PXDNL: variants seen among roughly 807,000 people sequenced by gnomAD.
PXDNL encodes probable oxidoreductase PXDNL.
In PXDNL, 145 loss-of-function variants were observed where a neutral mutation model predicts 150.8. That is an observed-to-expected ratio of 0.96 (90% CI 0.84 to 1.10). The LOEUF (loss-of-function observed/expected upper bound fraction) is 1.10. Among genes scored for constraint, PXDNL ranks in the 50% least tolerant of loss-of-function variants. The pLI is 0.00. For synonymous variants in PXDNL, 757 were observed against 725.7 expected, an observed-to-expected ratio of 1.04 and a Z score of -0.69; for missense variants, 2,087 against 1,873.9, an observed-to-expected ratio of 1.11 and a Z score of -2.10.
intron 1 of PXDNL, among the ~76,000 whole-genome samples, chr8:51,766,834 T>A (rs1403034553): frequency 6.6e-6 from 1 of 152,124 alleles, no homozygotes; most frequent in East Asian, 1.9e-4. Context: ...TGAACTTGTT[T>A]GATGTGTATA....
At chr8:51,375,733 T>A (rs1409389596) in intron 17 of PXDNL, among the ~76,000 whole-genome samples, 1 of 152,228 alleles carries the variant, frequency 6.6e-6, no homozygotes, top group Non-Finnish European at 1.5e-5. Flanking sequence ...GAACATTCTC[T>A]ACATGTTTCT....
chr8:51,322,253 A>C (rs1805344917), intron 21 of PXDNL, among the ~76,000 whole-genome samples: 1 of 152,194 alleles, frequency 6.6e-6, no homozygotes, highest in South Asian at 2.1e-4. Context: ...GATATATGGA[A>C]AAAAGCATTT....
intron 1 of PXDNL, among the ~76,000 whole-genome samples, chr8:51,657,919 A>G (rs920929867): frequency 6.6e-5 from 10 of 152,176 alleles, no homozygotes; most frequent in African/African-American, 2.2e-4. Flanking sequence ...CTTGCTTGTA[A>G]GCTGGTGCCA....
At chr8:51,429,266 G>C (rs1490309679) in intron 12 of PXDNL, among the ~76,000 whole-genome samples, 1 of 152,204 alleles carries the variant, frequency 6.6e-6, no homozygotes, top group Non-Finnish European at 1.5e-5. Context: ...CTGGAAAAGA[G>C]TTTGGAAACT....
chr8:51,657,823 G>A (rs562102312), intron 1 of PXDNL, among the ~76,000 whole-genome samples: 1 of 152,298 alleles, frequency 6.6e-6, no homozygotes, highest in South Asian at 2.1e-4. Context: ...TGAAAGCCAA[G>A]GTGCTATATG....
chr8:51,637,373 G>T lies in PXDNL; in HGVS notation c.236+17316C>A, dbSNP rs563331307. Among the ~76,000 whole-genome samples, 4 of 152,288 alleles carry T rather than the reference G, an allele frequency of 2.6e-5. No individual in the cohort carries two copies. The South Asian group carries it at 8.3e-4, about 32-fold the overall frequency. On this transcript the variant is annotated intron_variant, in intron 2 of 22. Coordinates refer to ENST00000356297, the MANE Select transcript of PXDNL (RefSeq NM_144651.5). The stretch of plus-strand genomic sequence containing the variant: ...AGAGAATGACTTTGACGAGTTGAAA[G>T]AAGAAGGCTTCAGACGATCAAACTT...
At chr8:51,490,846 A>T (rs1461115429) in intron 5 of PXDNL, among the ~76,000 whole-genome samples, 1 of 152,002 alleles carries the variant, frequency 6.6e-6, no homozygotes, top group Non-Finnish European at 1.5e-5. Context: ...AATGAATGAA[A>T]TAAAAATCTA....
At chr8:51,631,419 C>A (rs1009643849) in intron 2 of PXDNL, among the ~76,000 whole-genome samples, 1 of 152,040 alleles carries the variant, frequency 6.6e-6, no homozygotes, top group Non-Finnish European at 1.5e-5. Context: ...GCACATGTAC[C>A]CCTCAACCTA....
At chr8:51,532,068 C>CA (rs61099175) in intron 4 of PXDNL, among the ~76,000 whole-genome samples, 4,625 of 139,380 alleles carry the variant, frequency 0.033, 211 homozygotes, top group African/African-American at 0.12. Flanking sequence ...ATTGAGGTTG[C>CA]GGGTCTGGTC....
chr8:51,807,496 A>C (rs2037690532), intron 1 of PXDNL, among the ~76,000 whole-genome samples: 1 of 152,198 alleles, frequency 6.6e-6, no homozygotes, highest in African/African-American at 2.4e-5. Context: ...GGGGACACAG[A>C]TCCAAACCAT....
intron 4 of PXDNL, among the ~76,000 whole-genome samples, chr8:51,553,740 T>A (rs993791611): frequency 6.2e-5 from 7 of 112,946 alleles, no homozygotes; most frequent in Non-Finnish European, 3.5e-5. Context: ...GTGAGGGATT[T>A]TATATATATA....
intron 1 of PXDNL, among the ~76,000 whole-genome samples, chr8:51,798,817 C>T (rs1188495173): frequency 6.6e-6 from 1 of 152,178 alleles, no homozygotes; most frequent in Non-Finnish European, 1.5e-5. Context: ...TTTGACCCAG[C>T]AATCCCATTA....
At chr8:51,558,696 G>A (rs1222742502) in intron 3 of PXDNL, among the ~76,000 whole-genome samples, 1 of 151,996 alleles carries the variant, frequency 6.6e-6, no homozygotes, top group Admixed American at 6.6e-5. Flanking sequence ...AAATGGTTCA[G>A]GAAAAATAAG....
intron 6 of PXDNL, among the ~76,000 whole-genome samples, chr8:51,476,457 G>A (rs1810477708): frequency 6.6e-6 from 1 of 152,210 alleles, no homozygotes. Flanking sequence ...CATGTAGACT[G>A]TAACAGGAAG....
intron 19 of PXDNL, among the ~76,000 whole-genome samples, chr8:51,366,973 C>T (rs566162807): frequency 1.3e-5 from 2 of 151,616 alleles, no homozygotes; most frequent in Non-Finnish European, 1.5e-5. Flanking sequence ...TGGTGGTGGG[C>T]ACCTGTAGTC....
Position 51,474,225 on chromosome 8 carries a change from C to T in PXDNL, c.694+747G>A, listed in dbSNP as rs111228917. Among the ~76,000 whole-genome samples, 1,367 of 151,946 alleles carry T rather than the reference C, an allele frequency of 9.0e-3. 11 individuals are homozygous for T. The highest frequency in any genetic ancestry group is 0.031 in the African/African-American group (1,299 of 41,434). On this transcript the variant is annotated intron_variant, in intron 7 of 22. Coordinates refer to ENST00000356297, the MANE Select transcript of PXDNL (RefSeq NM_144651.5). ...GTCATGTGAGTGAATCTCCAAGACA[C>T]GAATTATCACACACATGCACACACA...
At chr8:51,744,123 G>GAAAGAAAGAAAGA (rs2036945561) in intron 1 of PXDNL, among the ~76,000 whole-genome samples, 1 of 75,116 alleles carries the variant, frequency 1.3e-5, no homozygotes, top group Non-Finnish European at 3.2e-5. Context: ...AGAAAGAAAG[G>GAAAGAAAGAAAGA]AAGAAAGAGA....
At position 51,408,634 on chromosome 8, in the gene PXDNL, AC is replaced by A; in HGVS notation, c.2989del (p.Val997PhefsTer34). 6.2e-7 allele frequency: 1 copy of A among 1,608,482 alleles called. No homozygotes were observed. Among genetic ancestry groups the A allele is most frequent in the Non-Finnish European group, 8.5e-7 (1 of 1,177,390 alleles). On this transcript the variant is annotated frameshift_variant, in exon 17 of 23. Coordinates refer to ENST00000356297, the MANE Select transcript of PXDNL (RefSeq NM_144651.5). LOFTEE classifies it high-confidence loss of function. ...CACGATCTTCCTGGCTTCCTGGTAAACCGTGTTTCCCTCCCAGTGGGGGTTC... is the reference window on the plus strand; with the variant it reads ...CACGATCTTCCTGGCTTCCTGGTAAACGTGTTTCCCTCCCAGTGGGGGTTC... Reference protein sequence around the residue: ...ALNPHWEGNTVYQEARKIVGA... With the variant: ...ALNPHWEGNTXYQEARKIVGA...
At chr8:51,451,529 C>G (rs891149093) in intron 10 of PXDNL, among the ~76,000 whole-genome samples, 3 of 152,180 alleles carry the variant, frequency 2.0e-5, no homozygotes, top group Non-Finnish European at 4.4e-5. Context: ...ATCTAAAATT[C>G]TGGCTACTCA....
Sources: gnomAD v4.1 joint callset for allele counts (sites outside exome capture counted in the v4.1 genomes callset) on GRCh38, gnomAD v4.1.1 for gene constraint, MANE v1.5 for transcripts, NCBI Gene and HGNC (gene_info 2026-07-23, HGNC 2026-07-21) for gene names.